Variants in ACSM6 observed in about 807,000 individuals in gnomAD.
ACSM6 encodes acyl-CoA synthetase medium chain family member 6.
A neutral mutation model predicts 51.1 loss-of-function variants in ACSM6; 35 were observed. The ratio of observed to expected loss-of-function variants is 0.69; its 90% CI spans 0.52 to 0.91. ACSM6 has a LOEUF of 0.91. ACSM6 is among the 40% of genes least tolerant of loss of function. The pLI, the probability that ACSM6 is intolerant of heterozygous loss-of-function variation, is 0.00. For missense variants in ACSM6, 509 were observed against 584.1 expected, an observed-to-expected ratio of 0.87 and a Z score of 1.32; for synonymous variants, 172 against 207.3, an observed-to-expected ratio of 0.83 and a Z score of 1.46.
chr10:95,225,952 C>G (rs1010736456), intron 10 of ACSM6: 1 of 152,204 alleles, frequency 6.6e-6, no homozygotes, highest in East Asian at 1.9e-4. Flanking sequence ...AAATGCCTCA[C>G]TTTCTAGGCT....
At chr10:95,216,487 G>A (rs374210532) in intron 8 of ACSM6, among the ~76,000 whole-genome samples, 2 of 152,148 alleles carry the variant, frequency 1.3e-5, no homozygotes, top group African/African-American at 4.8e-5. Flanking sequence ...TGGAATCAAA[G>A]GAAAGATAAT....
chr10:95,217,424 A>G (rs1037024261), intron 8 of ACSM6, among the ~76,000 whole-genome samples: 1 of 152,160 alleles, frequency 6.6e-6, no homozygotes, highest in Admixed American at 6.5e-5. Context: ...GATGGTCCAT[A>G]AAATAGGCTT....
At chr10:95,214,574 G>GA (rs1166877726) in intron 7 of ACSM6, among the ~76,000 whole-genome samples, 1 of 152,208 alleles carries the variant, frequency 6.6e-6, no homozygotes, top group Admixed American at 6.5e-5. Flanking sequence ...GGTTTCTGCA[G>GA]AAGGCTGGCT....
intron 8 of ACSM6, among the ~76,000 whole-genome samples, chr10:95,216,644 G>A (rs2034947997): frequency 6.6e-6 from 1 of 152,070 alleles, no homozygotes. Flanking sequence ...GAGAAGTAAT[G>A]GTCAGAAGGT....
intron 4 of ACSM6, 73 bp downstream of exon 4, chr10:95,207,488 A>C: frequency 6.2e-6 from 9 of 1,452,068 alleles, no homozygotes; most frequent in Non-Finnish European, 8.7e-6. Flanking sequence ...ATATATGAGA[A>C]AGTGGTGTGA....
At chr10:95,203,311 C>A (rs1382188961) in intron 3 of ACSM6, among the ~76,000 whole-genome samples, 1 of 152,154 alleles carries the variant, frequency 6.6e-6, no homozygotes, top group Non-Finnish European at 1.5e-5. Context: ...ATTGACTCTA[C>A]ATTATGATGA....
chr10:95,225,254 G>A (rs1290478122), intron 9 of ACSM6, 36 bp from the exon 10 acceptor site: 1 of 1,419,348 alleles, frequency 7.0e-7, no homozygotes, highest in African/African-American at 1.4e-5. Context: ...CAAGTGGTTT[G>A]TAAGGAAAAT....
At chr10:95,200,648 C>A (rs967403277) in intron 2 of ACSM6, among the ~76,000 whole-genome samples, 1 of 151,204 alleles carries the variant, frequency 6.6e-6, no homozygotes, top group Non-Finnish European at 1.5e-5. Context: ...CAGGTCAGAA[C>A]AAAGTAGCAA....
chr10:95,205,373 G>C (rs554356952), intron 3 of ACSM6, among the ~76,000 whole-genome samples: 89 of 152,194 alleles, frequency 5.8e-4, no homozygotes, highest in Non-Finnish European at 1.1e-3. Context: ...CAAGGCAGAC[G>C]CAATGTCAGT....
intron 2 of ACSM6, among the ~76,000 whole-genome samples, chr10:95,196,165 G>A (rs2034723063): frequency 6.6e-6 from 1 of 152,210 alleles, no homozygotes; most frequent in African/African-American, 2.4e-5. Flanking sequence ...ATGGCATCTG[G>A]CACCATGCAG....
exon 2 of ACSM6, chr10:95,194,498 T>C (rs2034705767): frequency 6.4e-7 from 1 of 1,551,712 alleles, no homozygotes; most frequent in Non-Finnish European, 8.7e-7. Flanking sequence ...GCTAGGCCGA[T>C]TTCAACCCTT....
intron 3 of ACSM6, among the ~76,000 whole-genome samples, chr10:95,203,532 T>A (rs1346352962): frequency 1.3e-5 from 2 of 152,020 alleles, no homozygotes; most frequent in Admixed American, 6.6e-5. Flanking sequence ...CTGAATGAGC[T>A]TGGGATCAGC....
At chr10:95,207,325 C>A (rs1157168963) in exon 4 of ACSM6, 1 of 1,614,150 alleles carries the variant, frequency 6.2e-7, no homozygotes, top group Admixed American at 1.7e-5. Flanking sequence ...GTTGTAAACT[C>A]TGCCGTGTCC....
intron 8 of ACSM6, among the ~76,000 whole-genome samples, chr10:95,216,943 C>A (rs2034951037): frequency 6.6e-6 from 1 of 152,128 alleles, no homozygotes. Context: ...AGCAGGAAAG[C>A]TTATATGATG....
chr10:95,222,720 G>A (rs1271943032), intron 9 of ACSM6, among the ~76,000 whole-genome samples: 2 of 152,050 alleles, frequency 1.3e-5, no homozygotes, highest in Non-Finnish European at 2.9e-5. Context: ...ATCCACCAAG[G>A]GGTACAAAAT....
chr10:95,204,207 G>C (rs748029893), intron 3 of ACSM6, among the ~76,000 whole-genome samples: 11 of 152,154 alleles, frequency 7.2e-5, no homozygotes, highest in Non-Finnish European at 1.6e-4. Context: ...GATGGTATAA[G>C]GCAAAATGAA....
intron 10 of ACSM6, chr10:95,226,221 AC>A (rs2035037365): frequency 6.6e-6 from 1 of 152,118 alleles, no homozygotes; most frequent in South Asian, 2.1e-4. Context: ...ATTAACTTTC[AC>A]CCAATCATTT....
At chr10:95,212,989 T>C (rs747905997) in intron 7 of ACSM6, 49 bp downstream of exon 7, 1 of 1,466,576 alleles carries the variant, frequency 6.8e-7, no homozygotes, top group Non-Finnish European at 9.6e-7. Context: ...CATGGTACCA[T>C]AAATAAAATT....
intron 9 of ACSM6, 124 bp from the exon 10 acceptor site, chr10:95,225,166 C>A: frequency 1.4e-6 from 1 of 716,644 alleles, no homozygotes; most frequent in Admixed American, 2.5e-5. Context: ...CTAAGTACAC[C>A]AACCAAGCAC....
Sources: gnomAD v4.1 joint callset for allele counts (sites outside exome capture counted in the v4.1 genomes callset) on GRCh38, gnomAD v4.1.1 for gene constraint, MANE v1.5 for transcripts, NCBI Gene and HGNC (gene_info 2026-07-23, HGNC 2026-07-21) for gene names.